Variants in MAGI1 observed in about 807,000 individuals in gnomAD.
MAGI1 encodes membrane-associated guanylate kinase, WW and PDZ domain-containing protein 1.
A neutral mutation model predicts 139.9 loss-of-function variants in MAGI1; 58 were observed. That is an observed-to-expected ratio of 0.41 (90% CI 0.34 to 0.52). The LOEUF (loss-of-function observed/expected upper bound fraction) is 0.52. Ranked by LOEUF, MAGI1 falls within the 20% of genes least tolerant of loss-of-function variation. The pLI is 0.12. For synonymous variants in MAGI1, 812 were observed against 737.9 expected, an observed-to-expected ratio of 1.10 and a Z score of -1.63; for missense variants, 1,874 against 1,901.6, an observed-to-expected ratio of 0.99 and a Z score of 0.27.
At chr3:66,028,760 G>A (rs776422783) in intron 1 of MAGI1, among the ~76,000 whole-genome samples, 1 of 152,072 alleles carries the variant, frequency 6.6e-6, no homozygotes. Flanking sequence ...CGTGAGGTCC[G>A]GAGGCTTCCT....
rs545364943 is a variant in MAGI1, at chr3:65,460,478, C to CT, written c.960-7139dup. Among the ~76,000 whole-genome samples, 210 of 148,248 alleles carry CT rather than the reference C, an allele frequency of 1.4e-3. 1 individual carries two copies. The highest frequency in any genetic ancestry group is 3.6e-3 in the Middle Eastern group (1 of 280). ...AATATACAAATTCATCCCTCATTATCTTTTTTTTTTGTGATGAGTGACTCC... is the reference window on the plus strand; with the variant it reads ...AATATACAAATTCATCCCTCATTATCTTTTTTTTTTTGTGATGAGTGACTCC... On this transcript the variant is annotated intron_variant, in intron 5 of 22. Coordinates refer to ENST00000402939, the MANE Select transcript of MAGI1 (RefSeq NM_001033057.2).
chr3:65,931,617 T>C lies in MAGI1; in HGVS notation c.313+106379A>G, dbSNP rs551912691. On this transcript the variant is annotated intron_variant, in intron 1 of 22. Coordinates refer to ENST00000402939, the MANE Select transcript of MAGI1 (RefSeq NM_001033057.2). ...AAGTCAAGGTTGCAGTGGGCCGAGA[T>C]TGTGCTACTGCACTCTAGCCCAGGT... Among the ~76,000 whole-genome samples the C allele has an allele frequency of 2.9e-3, 440 of 152,326 alleles. 2 individuals are homozygous for C. Among genetic ancestry groups the C allele is most frequent in the Middle Eastern group, 0.01 (3 of 294 alleles).
At chr3:65,717,476 T>C (rs1436733901) in intron 1 of MAGI1, 2 of 152,176 alleles carry the variant, frequency 1.3e-5, no homozygotes, top group Non-Finnish European at 2.9e-5. Flanking sequence ...GCATCTTGCC[T>C]TTAAGTTATT....
At position 65,437,212 on chromosome 3, in the gene MAGI1, C is replaced by G. The variant is rs544009720; in HGVS notation, c.1306G>C (p.Val436Leu). The G allele has an allele frequency of 3.6e-4, 583 of 1,612,302 alleles. 6 individuals carry two copies. In the South Asian group the frequency reaches 5.8e-3, roughly 16 times the overall value. ...TEDHSALVPP[V>L]IPNHPPSNPE... ...TTGCTTGGAGGGTGGTTTGGAATAA[C>G]AGGAGGCACAAGGGCTGAGTGATCT... The change falls in exon 10 of 23, where the codon GTT (valine) becomes CTT (leucine). Residue 436 changes from valine (V) to leucine (L), a missense_variant. This residue lies in a region of MAGI1 where 648 missense variants were observed against 598.1 expected (regional missense o/e 1.08). Transcript: ENST00000402939.
intron 1 of MAGI1, among the ~76,000 whole-genome samples, chr3:66,027,086 G>A (rs967066845): frequency 2.6e-5 from 4 of 151,644 alleles, no homozygotes; most frequent in African/African-American, 7.3e-5. Context: ...TGGCTAACAC[G>A]GTGAAACCCC....
At chr3:65,543,278 C>A (rs542955343) in intron 2 of MAGI1, among the ~76,000 whole-genome samples, 20 of 152,190 alleles carry the variant, frequency 1.3e-4, no homozygotes, top group African/African-American at 4.6e-4. Flanking sequence ...TGTAGACAAA[C>A]AGGAACATTT....
At chr3:65,507,223 T>C (rs977489307) in intron 2 of MAGI1, among the ~76,000 whole-genome samples, 1 of 152,248 alleles carries the variant, frequency 6.6e-6, no homozygotes, top group Non-Finnish European at 1.5e-5. Context: ...AGTATCATGT[T>C]GAAGCAGGTC....
chr3:65,908,576 AC>A (rs1261056359), intron 1 of MAGI1, among the ~76,000 whole-genome samples: 7 of 152,182 alleles, frequency 4.6e-5, no homozygotes, highest in African/African-American at 1.2e-4. Context: ...GAGCCACTGC[AC>A]CCGGCCAATC....
intron 1 of MAGI1, among the ~76,000 whole-genome samples, chr3:65,951,205 T>C (rs908560433): frequency 6.6e-6 from 1 of 152,208 alleles, no homozygotes; most frequent in Non-Finnish European, 1.5e-5. Flanking sequence ...GAATTCTGCA[T>C]GTAGTCAGGC....
intron 2 of MAGI1, among the ~76,000 whole-genome samples, chr3:65,542,622 C>T (rs7647879): frequency 1 from 151,728 of 152,288 alleles, 75,586 homozygotes; most frequent in Middle Eastern, 1. Context: ...ATATGACCTT[C>T]GACAAACCTG....
intron 16 of MAGI1, among the ~76,000 whole-genome samples, chr3:65,380,415 A>C (rs1388193097): frequency 1.3e-5 from 2 of 152,206 alleles, no homozygotes; most frequent in African/African-American, 4.8e-5. Flanking sequence ...TATTAAGTGC[A>C]TTCACATTTT....
intron 1 of MAGI1, among the ~76,000 whole-genome samples, chr3:65,942,769 A>C (rs1175351653): frequency 6.6e-6 from 1 of 152,182 alleles, no homozygotes; most frequent in African/African-American, 2.4e-5. Context: ...TATAATCCCT[A>C]CACTTTAGTA....
At chr3:65,801,667 A>G (rs2040524121) in intron 1 of MAGI1, among the ~76,000 whole-genome samples, 1 of 152,212 alleles carries the variant, frequency 6.6e-6, no homozygotes, top group African/African-American at 2.4e-5. Flanking sequence ...CAACTCTTTA[A>G]AAAATGCAGA....
At chr3:65,698,126 T>C (rs1393542643) in intron 1 of MAGI1, among the ~76,000 whole-genome samples, 8 of 111,382 alleles carry the variant, frequency 7.2e-5, no homozygotes, top group African/African-American at 2.9e-4. Context: ...CCATTCACAA[T>C]TGCTTCAAAG....
intron 1 of MAGI1, among the ~76,000 whole-genome samples, chr3:65,893,266 T>C (rs1440755212): frequency 6.6e-6 from 1 of 151,200 alleles, no homozygotes; most frequent in Non-Finnish European, 1.5e-5. Context: ...CCCAGACATA[T>C]ACAACCTCAG....
At chr3:65,694,995 C>G (rs1301911072) in intron 1 of MAGI1, among the ~76,000 whole-genome samples, 1 of 152,080 alleles carries the variant, frequency 6.6e-6, no homozygotes, top group Admixed American at 6.5e-5. Context: ...TAAGGCTGCT[C>G]GTGCTCAAGG....
chr3:65,861,394 A>T (rs959852347), intron 1 of MAGI1, among the ~76,000 whole-genome samples: 4 of 152,074 alleles, frequency 2.6e-5, no homozygotes, highest in African/African-American at 9.7e-5. Flanking sequence ...TACCCTCTTG[A>T]CTCTAAAGAC....
At chr3:65,807,547 G>T (rs963795332) in intron 1 of MAGI1, among the ~76,000 whole-genome samples, 1 of 152,120 alleles carries the variant, frequency 6.6e-6, no homozygotes, top group African/African-American at 2.4e-5. Context: ...CCAGGGGTTC[G>T]CAAACAAGCC....
At chr3:65,446,741 T>G (rs1948704408) in intron 7 of MAGI1, among the ~76,000 whole-genome samples, 1 of 152,212 alleles carries the variant, frequency 6.6e-6, no homozygotes, top group Non-Finnish European at 1.5e-5. Context: ...AATTCTTTTT[T>G]TGATCAAATT....
Sources: gnomAD v4.1 joint callset for allele counts (sites outside exome capture counted in the v4.1 genomes callset) on GRCh38, gnomAD v4.1.1 for gene constraint, gnomAD v4.1.1 regional missense constraint, MANE v1.5 for transcripts, NCBI Gene and HGNC (gene_info 2026-07-23, HGNC 2026-07-21) for gene names.